SUPT3H: variants seen among roughly 807,000 people sequenced by gnomAD.
SUPT3H encodes transcription initiation protein SPT3 homolog.
In SUPT3H, 44 loss-of-function variants were observed where a neutral mutation model predicts 44.3. The observed-to-expected ratio is 0.99, with a 90% CI of 0.78 to 1.28. The LOEUF is 1.28. Ranked by LOEUF, SUPT3H falls within the 50% of genes most tolerant of loss-of-function variation. The pLI is 0.00. For synonymous variants in SUPT3H, 124 were observed against 125.6 expected (o/e 0.99, Z 0.09); for missense variants, 380 against 387.1 (o/e 0.98, Z 0.15).
chr6:45,207,751 T>C (rs1170829125), intron 2 of SUPT3H, among the ~76,000 whole-genome samples: 2 of 152,188 alleles, frequency 1.3e-5, no homozygotes, highest in Non-Finnish European at 2.9e-5. Context: ...ACCAGGCCCA[T>C]ATAAAATAGC....
intron 6 of SUPT3H, among the ~76,000 whole-genome samples, chr6:44,986,157 C>A (rs115882702): frequency 0.018 from 2,668 of 152,258 alleles, 51 homozygotes; most frequent in South Asian, 0.086. Flanking sequence ...CGAGAAGTTT[C>A]TTCCAGATAA....
chr6:45,048,901 G>C (rs1336642551), intron 3 of SUPT3H, among the ~76,000 whole-genome samples: 1 of 152,038 alleles, frequency 6.6e-6, no homozygotes, highest in Non-Finnish European at 1.5e-5. Flanking sequence ...AGGGGTTATA[G>C]AAGGGTTGGG....
At chr6:45,376,935 ATAACT>A (rs111950057) in intron 1 of SUPT3H, among the ~76,000 whole-genome samples, 85 of 152,362 alleles carry the variant, frequency 5.6e-4, no homozygotes, top group Middle Eastern at 6.8e-3. Flanking sequence ...TTCTACCGAA[ATAACT>A]TAACATTTCT....
chr6:44,886,330 T>C lies in SUPT3H; in HGVS notation c.912+46323A>G, dbSNP rs1447700756. Reference sequence around the variant, plus strand: ...CACATAATTGTCAGATTCACCAAAGTTGAAATGAAGGAAAAAATGTTAAGG... The same window carrying C: ...CACATAATTGTCAGATTCACCAAAGCTGAAATGAAGGAAAAAATGTTAAGG... On this transcript the variant is annotated intron_variant, in intron 10 of 10. Coordinates refer to ENST00000371459, the MANE Select transcript of SUPT3H (RefSeq NM_003599.4). 4.0e-5 allele frequency among the ~76,000 whole-genome samples: 6 copies of C among 151,716 alleles called. No homozygotes were observed. In the East Asian group the frequency reaches 5.8e-4, roughly 15 times the overall value.
At chr6:45,373,712 G>A (rs751526349) in intron 1 of SUPT3H, among the ~76,000 whole-genome samples, 6 of 151,964 alleles carry the variant, frequency 3.9e-5, no homozygotes, top group South Asian at 2.1e-4. Flanking sequence ...CACCATGCCC[G>A]GCTAATTTTT....
At chr6:45,325,906 T>A (rs748447806) in intron 2 of SUPT3H, among the ~76,000 whole-genome samples, 1 of 151,816 alleles carries the variant, frequency 6.6e-6, no homozygotes, top group Non-Finnish European at 1.5e-5. Flanking sequence ...AGGAAAAAAA[T>A]TCATGTGGAT....
intron 3 of SUPT3H, among the ~76,000 whole-genome samples, chr6:45,063,153 C>T (rs1156871992): frequency 6.9e-6 from 1 of 145,604 alleles, no homozygotes; most frequent in African/African-American, 2.6e-5. Context: ...GTCCCTGACC[C>T]CTGACCCCCG....
intron 7 of SUPT3H, among the ~76,000 whole-genome samples, chr6:44,956,693 C>T (rs112666431): frequency 1.4e-4 from 21 of 152,170 alleles, no homozygotes; most frequent in African/African-American, 5.1e-4. Context: ...CCCTATTAAA[C>T]CATCACCTGG....
chr6:45,054,773 C>T (rs1441969253), intron 3 of SUPT3H, among the ~76,000 whole-genome samples: 3 of 152,084 alleles, frequency 2.0e-5, no homozygotes, highest in East Asian at 3.9e-4. Flanking sequence ...TTGTAGACCA[C>T]GAGATCCTGT....
chr6:45,350,961 T>G (rs1473510113), intron 2 of SUPT3H, among the ~76,000 whole-genome samples: 1 of 152,136 alleles, frequency 6.6e-6, no homozygotes, highest in Non-Finnish European at 1.5e-5. Flanking sequence ...GTAGCAGCAT[T>G]AGATTCTCCG....
chr6:45,295,222 CA>C (rs933331978), intron 2 of SUPT3H, among the ~76,000 whole-genome samples: 4 of 151,652 alleles, frequency 2.6e-5, no homozygotes, highest in African/African-American at 9.7e-5. Flanking sequence ...TTGAAAAAAA[CA>C]AACAAACAAA....
intron 10 of SUPT3H, among the ~76,000 whole-genome samples, chr6:44,859,546 T>G (rs1011844027): frequency 2.0e-5 from 3 of 152,142 alleles, no homozygotes; most frequent in Non-Finnish European, 4.4e-5. Flanking sequence ...ACTCAGAATG[T>G]GGTGCTAATG....
intron 1 of SUPT3H, among the ~76,000 whole-genome samples, chr6:45,375,113 A>T (rs1796598975): frequency 6.6e-6 from 1 of 152,224 alleles, no homozygotes; most frequent in Admixed American, 6.5e-5. Context: ...AGGCTGAGGC[A>T]GGAGAATCGC....
chr6:45,173,591 C>A (rs546676001), intron 2 of SUPT3H, among the ~76,000 whole-genome samples: 7 of 152,118 alleles, frequency 4.6e-5, no homozygotes, highest in South Asian at 2.1e-4. Flanking sequence ...TCACTGACAT[C>A]TGACACCTGT....
At position 45,039,517 on chromosome 6, in the gene SUPT3H, G is replaced by A. The variant is rs978964808; in HGVS notation, c.187-18885C>T. 3.3e-5 allele frequency among the ~76,000 whole-genome samples: 5 copies of A among 151,902 alleles called. No individual in the cohort carries two copies. The East Asian group carries it at 5.8e-4, about 18-fold the overall frequency. Reference sequence around the variant, plus strand: ...TTTAAAAAAATACAACTCCTGGGCCGGGCATGTAATCCAGCAATTTGAGAG... The same window carrying A: ...TTTAAAAAAATACAACTCCTGGGCCAGGCATGTAATCCAGCAATTTGAGAG... On this transcript the variant is annotated intron_variant, in intron 3 of 10. Transcript: ENST00000371459.
chr6:45,204,246 CAAAAAA>C (rs1167065229), intron 2 of SUPT3H, among the ~76,000 whole-genome samples: 1 of 17,532 alleles, frequency 5.7e-5, no homozygotes, highest in African/African-American at 1.7e-4. Context: ...GATTCCGTCT[CAAAAAA>C]GAAGAAGAAG....
chr6:44,897,728 A>G (rs1029360910), intron 10 of SUPT3H, among the ~76,000 whole-genome samples: 1 of 152,158 alleles, frequency 6.6e-6, no homozygotes, highest in African/African-American at 2.4e-5. Flanking sequence ...CAGCGAGCAA[A>G]GGTGACCCAG....
intron 10 of SUPT3H, among the ~76,000 whole-genome samples, chr6:44,909,690 T>C (rs941617205): frequency 6.6e-6 from 1 of 152,134 alleles, no homozygotes; most frequent in African/African-American, 2.4e-5. Context: ...ACATTACAGA[T>C]GGAGAGAGGC....
intron 2 of SUPT3H, among the ~76,000 whole-genome samples, chr6:45,244,413 T>C (rs1770972512): frequency 6.6e-6 from 1 of 152,178 alleles, no homozygotes; most frequent in Non-Finnish European, 1.5e-5. Flanking sequence ...CATTTTTAAA[T>C]CATTATTTTT....
Sources: gnomAD v4.1 joint callset for allele counts (sites outside exome capture counted in the v4.1 genomes callset) on GRCh38, gnomAD v4.1.1 for gene constraint, MANE v1.5 for transcripts, NCBI Gene and HGNC (gene_info 2026-07-23, HGNC 2026-07-21) for gene names.